CERT1: variants seen among roughly 807,000 people sequenced by gnomAD.
CERT1 encodes ceramide transporter 1.
A neutral mutation model predicts 87.9 loss-of-function variants in CERT1; 31 were observed. The ratio of observed to expected loss-of-function variants is 0.35; its 90% CI spans 0.27 to 0.48. The LOEUF is 0.48. CERT1 is among the 20% of genes least tolerant of loss of function. The pLI is 0.99. For missense variants in CERT1, 487 were observed against 758.0 expected, an observed-to-expected ratio of 0.64 and a Z score of 4.20; for synonymous variants, 289 against 250.9, an observed-to-expected ratio of 1.15 and a Z score of -1.44.
intron 16 of CERT1, 150 bp from the exon 17 acceptor site, chr5:75,379,623 G>A: frequency 2.7e-6 from 2 of 737,616 alleles, no homozygotes; most frequent in East Asian, 2.8e-5. Flanking sequence ...GTCTTGCTCT[G>A]TTGCCAGGGT....
upstream of CERT1, chr5:75,511,716 A>G: frequency 1.3e-6 from 2 of 1,544,476 alleles, no homozygotes; most frequent in Non-Finnish European, 1.8e-6. Context: ...CCGGCGTCTG[A>G]CGCGACACGC....
intron 2 of CERT1, among the ~76,000 whole-genome samples, chr5:75,495,536 C>CA (rs1305229516): frequency 3.3e-5 from 5 of 151,418 alleles, no homozygotes; most frequent in African/African-American, 1.2e-4. Flanking sequence ...CCAGCCTGGG[C>CA]AACAGACTGA....
chr5:75,435,384 G>A (rs912890150), intron 3 of CERT1, among the ~76,000 whole-genome samples: 3 of 152,196 alleles, frequency 2.0e-5, no homozygotes, highest in Admixed American at 2.0e-4. Context: ...TGTTTGTCAA[G>A]GAGCTGCCTT....
chr5:75,425,333 T>G, intron 5 of CERT1, 28 bp downstream of exon 5: 1 of 1,597,682 alleles, frequency 6.3e-7, no homozygotes, highest in South Asian at 1.1e-5. Context: ...ATTCTCCAAG[T>G]AAAAATAGTG....
At chr5:75,490,562 G>T (rs779278378) in intron 2 of CERT1, among the ~76,000 whole-genome samples, 1 of 151,610 alleles carries the variant, frequency 6.6e-6, no homozygotes, top group Non-Finnish European at 1.5e-5. Context: ...GCAGTGGCGC[G>T]ATCTCGGCTC....
intron 14 of CERT1, 83 bp from the exon 15 acceptor site, chr5:75,382,160 TGAAG>T (rs1761614913): frequency 3.8e-6 from 5 of 1,324,880 alleles, no homozygotes; most frequent in Non-Finnish European, 5.2e-6. Context: ...ATGTCTTAAT[TGAAG>T]GTAAAATCTC....
At chr5:75,464,207 TG>T (rs1765357199) in intron 2 of CERT1, among the ~76,000 whole-genome samples, 1 of 151,982 alleles carries the variant, frequency 6.6e-6, no homozygotes, top group Non-Finnish European at 1.5e-5. Flanking sequence ...CACACAACAT[TG>T]GAGAAGTAAA....
At chr5:75,418,935 T>A (rs985529827) in intron 6 of CERT1, among the ~76,000 whole-genome samples, 2 of 152,240 alleles carry the variant, frequency 1.3e-5, no homozygotes, top group Admixed American at 6.5e-5. Flanking sequence ...TATCAAATTA[T>A]ACACTTTAAA....
intron 2 of CERT1, among the ~76,000 whole-genome samples, chr5:75,493,459 CGAAA>C (rs1343415267): frequency 6.6e-6 from 1 of 152,112 alleles, no homozygotes; most frequent in East Asian, 1.9e-4. Flanking sequence ...AATTCATTGT[CGAAA>C]ATAATTATTC....
chr5:75,416,772 T>A, intron 7 of CERT1, 104 bp downstream of exon 7: 1 of 1,009,736 alleles, frequency 9.9e-7, no homozygotes, highest in Non-Finnish European at 1.4e-6. Flanking sequence ...GCTATTTCTA[T>A]CAACCCAAGA....
In CERT1 at chr5:75,419,414, A is replaced by G. The variant is rs766377548; in HGVS notation, c.606T>C (p.Asp202=). 4 of 1,604,822 alleles carry G rather than the reference A, an allele frequency of 2.5e-6. No individual in the cohort carries two copies. The highest frequency in any genetic ancestry group is 3.4e-6 in the Non-Finnish European group (4 of 1,171,780). ...GCGTTGTAGGAAAGTCATCTTCATCATCTTCTACCACTAAATAAAATATAT... is the reference window on the plus strand; with the variant it reads ...GCGTTGTAGGAAAGTCATCTTCATCGTCTTCTACCACTAAATAAAATATAT... The part of the protein sequence containing the change: ...DELQRDKVVE[D]DEDDFPTTRS... Residue 202 remains aspartate (D), a synonymous_variant, in exon 6 of 17, where the codon GAT becomes GAC. Transcript: ENST00000643780.
At chr5:75,503,842 T>A (rs372704006) in intron 2 of CERT1, among the ~76,000 whole-genome samples, 53 of 85,150 alleles carry the variant, frequency 6.2e-4, no homozygotes, top group Middle Eastern at 8.9e-3. Context: ...TTTAAATTTT[T>A]TGTTTAATTT....
intron 8 of CERT1, among the ~76,000 whole-genome samples, chr5:75,403,744 G>A (rs1466894721): frequency 6.6e-6 from 1 of 152,210 alleles, no homozygotes; most frequent in Non-Finnish European, 1.5e-5. Flanking sequence ...ATCACTTGGG[G>A]AATTGTGTGG....
intron 2 of CERT1, among the ~76,000 whole-genome samples, chr5:75,482,931 C>A (rs187497379): frequency 2.0e-5 from 3 of 151,164 alleles, no homozygotes; most frequent in African/African-American, 7.3e-5. Context: ...ACAAAGAAGC[C>A]CACACTGCGA....
At chr5:75,439,293 T>C (rs1218678700) in intron 3 of CERT1, among the ~76,000 whole-genome samples, 1 of 151,902 alleles carries the variant, frequency 6.6e-6, no homozygotes, top group Admixed American at 6.6e-5. Context: ...AACTCGTACA[T>C]TATCATTCTG....
intron 10 of CERT1, 127 bp from the exon 11 acceptor site, chr5:75,399,514 AGCAACT>A: frequency 1.4e-6 from 1 of 701,168 alleles, no homozygotes; most frequent in Non-Finnish European, 2.6e-6. Context: ...CAAGCACAGC[AGCAACT>A]GCTGACTTCA....
At chr5:75,451,565 AAC>A (rs1419169721) in intron 3 of CERT1, among the ~76,000 whole-genome samples, 1 of 152,200 alleles carries the variant, frequency 6.6e-6, no homozygotes, top group Non-Finnish European at 1.5e-5. Context: ...TGCATTCTTA[AAC>A]ACTTCCCAGT....
At position 75,511,512 on chromosome 5, in the gene CERT1, G is replaced by A. The variant is rs1431500469; in HGVS notation, c.-305C>T. ...GCCACCCGAACTTAGCCCCCTCGATGCCAATTTCAAATAGGGAAGGAAAAG... is the reference window on the plus strand; with the variant it reads ...GCCACCCGAACTTAGCCCCCTCGATACCAATTTCAAATAGGGAAGGAAAAG... On this transcript the variant is annotated 5_prime_UTR_variant, in exon 1 of 17. Transcript: ENST00000643780. 8.1e-6 allele frequency: 12 copies of A among 1,474,804 alleles called. No homozygotes were observed. The highest frequency in any genetic ancestry group is 1.1e-5 in the Non-Finnish European group (12 of 1,114,622). 91.4% of individuals were successfully genotyped at this position (1,474,804 alleles called of 1,614,324 possible).
intron 3 of CERT1, among the ~76,000 whole-genome samples, chr5:75,456,830 A>G (rs1765006618): frequency 1.3e-5 from 2 of 152,198 alleles, no homozygotes; most frequent in African/African-American, 4.8e-5. Flanking sequence ...CATTGTTCAA[A>G]GATGTAAAGA....
Sources: gnomAD v4.1 joint callset for allele counts (sites outside exome capture counted in the v4.1 genomes callset) on GRCh38, gnomAD v4.1.1 for gene constraint, MANE v1.5 for transcripts, NCBI Gene and HGNC (gene_info 2026-07-23, HGNC 2026-07-21) for gene names.